Variants in COL25A1 observed in about 807,000 individuals in gnomAD.
The protein encoded by COL25A1 is collagen type XXV alpha 1 chain.
In COL25A1, 103 loss-of-function variants were observed where a neutral mutation model predicts 128.4. That is an observed-to-expected ratio of 0.80 (90% CI 0.68 to 0.94). The LOEUF is 0.94. COL25A1 is among the 40% of genes least tolerant of loss of function. The pLI, the probability that COL25A1 is intolerant of heterozygous loss-of-function variation, is 0.00. For synonymous variants in COL25A1, 279 were observed against 277.2 expected, an observed-to-expected ratio of 1.01 and a Z score of -0.06; for missense variants, 745 against 840.0, an observed-to-expected ratio of 0.89 and a Z score of 1.40.
rs183060872 is a variant in COL25A1 at position 108,845,993 on chromosome 4, A to G, written c.1515+146T>C. On this transcript the variant is annotated intron_variant, in intron 28 of 37. Transcript: ENST00000399132. ...GAGTTCCCTAGAGTAATTAACCAATAATACCTCAAATATTTCAAAATAAAA... is the reference window on the plus strand; with the variant it reads ...GAGTTCCCTAGAGTAATTAACCAATGATACCTCAAATATTTCAAAATAAAA... The G allele has an allele frequency of 7.3e-5, 42 of 578,146 alleles. No individual in the cohort carries two copies. In the Admixed American group the frequency reaches 1.2e-3, roughly 17 times the overall value. The allele number at this position is 578,146 out of a possible 1,614,324, so 35.8% of individuals were successfully genotyped here. A position where few individuals can be genotyped will look rare whatever the true frequency, so the allele number is the denominator to read the frequency against.
At chr4:109,004,293 T>A (rs1755752602) in intron 6 of COL25A1, among the ~76,000 whole-genome samples, 1 of 152,174 alleles carries the variant, frequency 6.6e-6, no homozygotes, top group Non-Finnish European at 1.5e-5. Context: ...AACCACTCAC[T>A]GAATAATAGA....
chr4:109,131,666 C>A (rs1246154371), intron 3 of COL25A1, among the ~76,000 whole-genome samples: 1 of 152,168 alleles, frequency 6.6e-6, no homozygotes, highest in African/African-American at 2.4e-5. Flanking sequence ...TATCCAGATG[C>A]AACCTATATT....
At chr4:108,912,860 A>T (rs1326339298) in intron 13 of COL25A1, among the ~76,000 whole-genome samples, 1 of 152,182 alleles carries the variant, frequency 6.6e-6, no homozygotes, top group East Asian at 1.9e-4. Flanking sequence ...GAACTGTGTT[A>T]TCCATGTATA....
At chr4:109,137,984 A>ATGTGTGTGTGTGTGTGTGTGTG (rs10700157) in intron 3 of COL25A1, among the ~76,000 whole-genome samples, 28 of 142,588 alleles carry the variant, frequency 2.0e-4, no homozygotes, top group African/African-American at 6.9e-4. Context: ...TTATATATAT[A>ATGTGTGTGTGTGTGTGTGTGTG]TGTGTGTGTG....
At chr4:108,814,803 C>T (rs1231606110) in intron 37 of COL25A1, among the ~76,000 whole-genome samples, 1 of 150,728 alleles carries the variant, frequency 6.6e-6, no homozygotes, top group Admixed American at 6.6e-5. Context: ...TTGTGGCAGT[C>T]GTATAAATCA....
intron 13 of COL25A1, among the ~76,000 whole-genome samples, chr4:108,911,008 C>A (rs750851928): frequency 6.6e-6 from 1 of 152,010 alleles, no homozygotes; most frequent in Non-Finnish European, 1.5e-5. Context: ...ATAAATGGAA[C>A]GGGGTAGATT....
At chr4:108,859,349 C>CCA (rs1736891400) in intron 24 of COL25A1, among the ~76,000 whole-genome samples, 1 of 152,122 alleles carries the variant, frequency 6.6e-6, no homozygotes, top group African/African-American at 2.4e-5. Context: ...GATTGCCTTG[C>CCA]CACATTCCCT....
chr4:108,904,204 C>T (rs530714306), intron 13 of COL25A1, among the ~76,000 whole-genome samples: 2 of 152,192 alleles, frequency 1.3e-5, no homozygotes, highest in African/African-American at 4.8e-5. Flanking sequence ...ATTTACTATA[C>T]GTTCTACTCT....
At chr4:109,168,235 C>G (rs1773256770) in intron 3 of COL25A1, among the ~76,000 whole-genome samples, 1 of 152,202 alleles carries the variant, frequency 6.6e-6, no homozygotes, top group South Asian at 2.1e-4. Context: ...CCACTGAAAC[C>G]CTACATTCTT....
At chr4:108,860,905 G>C in intron 23 of COL25A1, 22 bp downstream of exon 23, 1 of 1,610,628 alleles carries the variant, frequency 6.2e-7, no homozygotes, top group Non-Finnish European at 8.5e-7. Flanking sequence ...CAAAAGTTTA[G>C]ATGGATGAGA....
intron 3 of COL25A1, among the ~76,000 whole-genome samples, chr4:109,090,409 C>T (rs1764791109): frequency 6.6e-6 from 1 of 152,160 alleles, no homozygotes; most frequent in Admixed American, 6.5e-5. Flanking sequence ...CTTAATTAAA[C>T]ATAGAGGAGA....
chr4:109,236,461 G>A (rs568545248), intron 3 of COL25A1, among the ~76,000 whole-genome samples: 1 of 151,908 alleles, frequency 6.6e-6, no homozygotes, highest in African/African-American at 2.4e-5. Flanking sequence ...CACCTGTAAC[G>A]CCTATAGCTC....
At chr4:109,232,646 A>T (rs1011365467) in intron 3 of COL25A1, among the ~76,000 whole-genome samples, 1 of 152,168 alleles carries the variant, frequency 6.6e-6, no homozygotes, top group African/African-American at 2.4e-5. Flanking sequence ...CATCCATAGA[A>T]TTTTTCTTTC....
chr4:109,069,352 C>T (rs1366981819), intron 3 of COL25A1, among the ~76,000 whole-genome samples: 1 of 151,906 alleles, frequency 6.6e-6, no homozygotes, highest in East Asian at 1.9e-4. Flanking sequence ...GTTGGGACAG[C>T]AGGCATGCAC....
intron 27 of COL25A1, among the ~76,000 whole-genome samples, chr4:108,847,872 T>C (rs754944193): frequency 1.3e-5 from 2 of 152,218 alleles, no homozygotes; most frequent in African/African-American, 4.8e-5. Flanking sequence ...GAGGAGTATA[T>C]GTGCACTAAC....
chr4:108,867,860 G>A (rs1251879837), intron 20 of COL25A1, among the ~76,000 whole-genome samples: 1 of 152,004 alleles, frequency 6.6e-6, no homozygotes, highest in East Asian at 1.9e-4. Context: ...AGAACTCTGG[G>A]TCTGACTGTA....
chr4:108,950,358 G>A (rs1323211903), intron 8 of COL25A1, among the ~76,000 whole-genome samples: 1 of 152,094 alleles, frequency 6.6e-6, no homozygotes, highest in Admixed American at 6.5e-5. Context: ...TGACGTGCCA[G>A]ATAGACATGT....
intron 3 of COL25A1, among the ~76,000 whole-genome samples, chr4:109,097,092 T>G (rs1284684807): frequency 6.6e-6 from 1 of 152,236 alleles, no homozygotes; most frequent in African/African-American, 2.4e-5. Context: ...CGTGTTATGC[T>G]GGCTCAAGTA....
At chr4:109,099,490 T>C (rs1765694000) in intron 3 of COL25A1, among the ~76,000 whole-genome samples, 1 of 151,898 alleles carries the variant, frequency 6.6e-6, no homozygotes, top group African/African-American at 2.4e-5. Context: ...ATATTACAAA[T>C]GAAATATTTA....
Sources: allele counts gnomAD v4.1 joint callset (sites outside exome capture counted in the v4.1 genomes callset), GRCh38; gene constraint gnomAD v4.1.1; transcripts MANE v1.5; gene names NCBI Gene and HGNC (gene_info 2026-07-23, HGNC 2026-07-21).